TMEM117: variants seen among roughly 807,000 people sequenced by gnomAD.
The protein encoded by TMEM117 is transmembrane protein 117.
Under a neutral mutation model 52.4 loss-of-function variants are expected in TMEM117, and 27 were observed. That is an observed-to-expected ratio of 0.51 (90% confidence interval 0.38 to 0.71). The LOEUF is 0.71. Ranked by LOEUF, TMEM117 falls within the 30% of genes least tolerant of loss-of-function variation. The probability of loss-of-function intolerance (pLI) is 0.00; values close to 1 mark genes in which losing one functional copy is unlikely to be tolerated. For synonymous variants in TMEM117, 215 were observed against 206.3 expected (o/e 1.04, Z -0.36); for missense variants, 556 against 630.5 (o/e 0.88, Z 1.26).
intron 3 of TMEM117, among the ~76,000 whole-genome samples, chr12:44,138,880 T>C (rs1948529996): frequency 6.6e-6 from 1 of 152,204 alleles, no homozygotes; most frequent in Non-Finnish European, 1.5e-5. Flanking sequence ...ATCTAGTTAA[T>C]CATTTCACTA....
At chr12:44,111,694 G>T (rs1420005846) in intron 3 of TMEM117, among the ~76,000 whole-genome samples, 1 of 140,484 alleles carries the variant, frequency 7.1e-6, no homozygotes, top group Non-Finnish European at 1.5e-5. Flanking sequence ...TTGATTTGGG[G>T]TGGAGAGTTC....
chr12:44,193,116 G>T (rs1162805433), intron 4 of TMEM117, among the ~76,000 whole-genome samples: 3 of 152,042 alleles, frequency 2.0e-5, no homozygotes, highest in African/African-American at 7.2e-5. Context: ...TGGACTTTAA[G>T]AATATCTTTC....
At chr12:44,059,804 T>C (rs1947111227) in intron 3 of TMEM117, among the ~76,000 whole-genome samples, 1 of 152,228 alleles carries the variant, frequency 6.6e-6, no homozygotes, top group Non-Finnish European at 1.5e-5. Context: ...ATGTATTTCT[T>C]TTTGACATGC....
chr12:44,091,789 A>G (rs1325602272), intron 3 of TMEM117, among the ~76,000 whole-genome samples: 1 of 152,238 alleles, frequency 6.6e-6, no homozygotes, highest in Admixed American at 6.5e-5. Context: ...AAAAACAGAA[A>G]CAATTTAAAA....
At chr12:43,854,525 C>G (rs1943365765) in intron 2 of TMEM117, among the ~76,000 whole-genome samples, 1 of 151,956 alleles carries the variant, frequency 6.6e-6, no homozygotes, top group Admixed American at 6.6e-5. Context: ...GACAGCAGGT[C>G]ATGAGCACAT....
At chr12:44,334,431 C>T (rs1190953683) in intron 6 of TMEM117, among the ~76,000 whole-genome samples, 2 of 151,980 alleles carry the variant, frequency 1.3e-5, no homozygotes, top group Non-Finnish European at 2.9e-5. Context: ...TTTAGGAGTA[C>T]ATGATTGTCG....
chr12:43,809,664 A>G, the TMEM117 span, among the ~76,000 whole-genome samples: 2 of 152,236 alleles, frequency 1.3e-5, no homozygotes, highest in Non-Finnish European at 2.9e-5. Context: ...ATAGGTTCAT[A>G]AAACCACAAT....
chr12:43,860,059 A>G (rs1943463273), intron 2 of TMEM117, among the ~76,000 whole-genome samples: 1 of 152,190 alleles, frequency 6.6e-6, no homozygotes, highest in African/African-American at 2.4e-5. Context: ...GTTCTGGGGT[A>G]CATGTGCAGA....
At chr12:44,122,449 G>C (rs1948253023) in intron 3 of TMEM117, among the ~76,000 whole-genome samples, 1 of 152,076 alleles carries the variant, frequency 6.6e-6, no homozygotes, top group African/African-American at 2.4e-5. Context: ...AGGATGTGAA[G>C]GTTTATTACA....
chr12:44,311,187 A>G (rs971439229), intron 6 of TMEM117, among the ~76,000 whole-genome samples: 1 of 152,092 alleles, frequency 6.6e-6, no homozygotes, highest in Admixed American at 6.6e-5. Context: ...GAGTATATAT[A>G]TATATGTATA....
chr12:43,932,336 GTT>G (rs34671916), intron 2 of TMEM117, among the ~76,000 whole-genome samples: 14 of 129,456 alleles, frequency 1.1e-4, no homozygotes, highest in South Asian at 5.0e-4. Flanking sequence ...CATTAAATAA[GTT>G]TTTTTTTTTT....
At chr12:43,914,995 G>T (rs1944577066) in intron 2 of TMEM117, among the ~76,000 whole-genome samples, 1 of 152,120 alleles carries the variant, frequency 6.6e-6, no homozygotes, top group Non-Finnish European at 1.5e-5. Context: ...ATTTACCCAA[G>T]AACCCCTGAA....
the TMEM117 span, among the ~76,000 whole-genome samples, chr12:43,809,792 A>C: frequency 6.6e-6 from 1 of 152,234 alleles, no homozygotes. Context: ...ATTAAGCAAC[A>C]TACCTTGACT....
chr12:44,240,741 G>GA (rs552934809), intron 5 of TMEM117, among the ~76,000 whole-genome samples: 2 of 151,608 alleles, frequency 1.3e-5, no homozygotes, highest in Non-Finnish European at 2.9e-5. Context: ...ACATTTTATA[G>GA]AAAAAAACAT....
chr12:44,065,374 C>A (rs900571656), intron 3 of TMEM117, among the ~76,000 whole-genome samples: 3 of 151,474 alleles, frequency 2.0e-5, no homozygotes, highest in African/African-American at 4.9e-5. Flanking sequence ...GGCTACAGAG[C>A]GAGACTCTGT....
intron 3 of TMEM117, among the ~76,000 whole-genome samples, chr12:44,061,807 G>A (rs1408212795): frequency 6.6e-6 from 1 of 152,088 alleles, no homozygotes; most frequent in Admixed American, 6.6e-5. Flanking sequence ...ATAAATTTAT[G>A]GGGTGGGAGA....
chr12:43,796,559 A>G, the TMEM117 span, among the ~76,000 whole-genome samples: 7 of 152,140 alleles, frequency 4.6e-5, no homozygotes, highest in Non-Finnish European at 7.4e-5. Context: ...TGGAGACTGT[A>G]ATTCCTTATT....
chr12:44,330,710 A>T (rs1951257994), intron 6 of TMEM117, among the ~76,000 whole-genome samples: 1 of 152,020 alleles, frequency 6.6e-6, no homozygotes, highest in Non-Finnish European at 1.5e-5. Flanking sequence ...TCTTGTGACA[A>T]ATTAGAAGGC....
intron 3 of TMEM117, among the ~76,000 whole-genome samples, chr12:43,994,842 C>T (rs1452988577): frequency 6.6e-6 from 1 of 152,008 alleles, no homozygotes; most frequent in Non-Finnish European, 1.5e-5. Flanking sequence ...AGGAAGTGAA[C>T]TTTTGATGAG....
Sources: gnomAD v4.1 joint callset for allele counts (sites outside exome capture counted in the v4.1 genomes callset) on GRCh38, gnomAD v4.1.1 for gene constraint, MANE v1.5 for transcripts, NCBI Gene and HGNC (gene_info 2026-07-23, HGNC 2026-07-21) for gene names.